Variants in PDE4B observed in about 807,000 individuals in gnomAD.
The protein encoded by PDE4B is phosphodiesterase 4B.
PDE4B carries 20 observed loss-of-function variants against 82.2 expected under a neutral mutation model. The ratio of observed to expected loss-of-function variants is 0.24; its 90% confidence interval spans 0.17 to 0.35. The LOEUF (loss-of-function observed/expected upper bound fraction) is 0.35. Among genes scored for constraint, PDE4B ranks in the 10% least tolerant of loss-of-function variants. The pLI is 1.00. For missense variants in PDE4B, 655 were observed against 907.2 expected, an observed-to-expected ratio of 0.72 and a Z score of 3.57; for synonymous variants, 320 against 318.9, an observed-to-expected ratio of 1.00 and a Z score of -0.04.
At chr1:65,999,662 T>A (rs1475497399) in intron 3 of PDE4B, among the ~76,000 whole-genome samples, 3 of 152,210 alleles carry the variant, frequency 2.0e-5, no homozygotes, top group African/African-American at 7.2e-5. Flanking sequence ...ATTATAGACA[T>A]GCTTATTTGT....
At position 66,074,163 on chromosome 1, in the gene PDE4B, G is replaced by A. The variant is rs150622803; in HGVS notation, c.281+155328G>A. ...TGTGATTGCTCATGGATATGTCCTT[G>A]GAAGAGGGACTGGAAGACCTTTGGT... On this transcript the variant is annotated intron_variant, in intron 3 of 16. Transcript: ENST00000341517. Among the ~76,000 whole-genome samples, 539 of 152,196 alleles carry A rather than the reference G, an allele frequency of 3.5e-3. 5 individuals are homozygous for A. The highest frequency in any genetic ancestry group is 5.2e-3 in the Non-Finnish European group (355 of 67,970).
At chr1:66,102,426 G>A (rs183459534) in intron 3 of PDE4B, among the ~76,000 whole-genome samples, 18 of 152,194 alleles carry the variant, frequency 1.2e-4, no homozygotes. Flanking sequence ...CAGCACATGG[G>A]AAATATTGAA....
chr1:66,102,385 G>A (rs760503725), intron 3 of PDE4B, among the ~76,000 whole-genome samples: 3 of 152,064 alleles, frequency 2.0e-5, no homozygotes, highest in Non-Finnish European at 4.4e-5. Flanking sequence ...CAGACAGACT[G>A]AATTCTGTAA....
intron 2 of PDE4B, among the ~76,000 whole-genome samples, chr1:65,917,904 C>G (rs1266011495): frequency 6.6e-6 from 1 of 152,198 alleles, no homozygotes; most frequent in Non-Finnish European, 1.5e-5. Flanking sequence ...TGGCTCATGC[C>G]TGTAATCCCA....
chr1:65,972,408 C>A (rs1221228121), intron 3 of PDE4B, among the ~76,000 whole-genome samples: 1 of 151,760 alleles, frequency 6.6e-6, no homozygotes, highest in African/African-American at 2.4e-5. Flanking sequence ...CTTGGGAGAT[C>A]CGTGTATCTT....
At chr1:66,209,650 T>G (rs1649865292) in intron 3 of PDE4B, among the ~76,000 whole-genome samples, 1 of 152,222 alleles carries the variant, frequency 6.6e-6, no homozygotes, top group Admixed American at 6.5e-5. Flanking sequence ...TTTCCATCAC[T>G]CAGTAAATTG....
intron 3 of PDE4B, among the ~76,000 whole-genome samples, chr1:65,997,895 T>G (rs1557486211): frequency 6.6e-6 from 1 of 152,132 alleles, no homozygotes; most frequent in Non-Finnish European, 1.5e-5. Flanking sequence ...TAACTACCAC[T>G]AGAGAGTGAG....
At chr1:66,253,087 G>A (rs1302462216) in intron 4 of PDE4B, among the ~76,000 whole-genome samples, 3 of 152,162 alleles carry the variant, frequency 2.0e-5, no homozygotes, top group Non-Finnish European at 4.4e-5. Context: ...ATCAAGAGTT[G>A]TACATATGTA....
chr1:66,164,773 T>C (rs1379363331), intron 3 of PDE4B, among the ~76,000 whole-genome samples: 1 of 106,600 alleles, frequency 9.4e-6, no homozygotes, highest in Admixed American at 9.6e-5. Flanking sequence ...TTTTTTTTTT[T>C]TGAGACAGAG....
chr1:66,344,415 G>T lies in PDE4B; in HGVS notation c.748-11112G>T, dbSNP rs1661237713. Among the ~76,000 whole-genome samples the T allele has an allele frequency of 2.6e-5, 4 of 152,232 alleles. 1 individual carries two copies. In the South Asian group the frequency reaches 8.3e-4, roughly 32 times the overall value. On this transcript the variant is annotated intron_variant, in intron 8 of 16. Coordinates refer to ENST00000341517, the MANE Select transcript of PDE4B (RefSeq NM_002600.4). ...AAAATCAGTATCATTTAATTTCAGAGAATTTGCTTCAACTTACTGGAATTA... is the reference window on the plus strand; with the variant it reads ...AAAATCAGTATCATTTAATTTCAGATAATTTGCTTCAACTTACTGGAATTA...
chr1:66,007,420 G>A (rs1321942863), intron 3 of PDE4B, among the ~76,000 whole-genome samples: 1 of 151,920 alleles, frequency 6.6e-6, no homozygotes, highest in African/African-American at 2.4e-5. Context: ...CTTCAGCCTG[G>A]GTGACAGAAC....
chr1:65,862,873 A>G (rs561372270), intron 1 of PDE4B, among the ~76,000 whole-genome samples: 1 of 152,048 alleles, frequency 6.6e-6, no homozygotes, highest in Non-Finnish European at 1.5e-5. Flanking sequence ...GGTAGTTTGT[A>G]TTTCTGAGGG....
At chr1:66,371,504 G>T (rs1167035247) in intron 16 of PDE4B, among the ~76,000 whole-genome samples, 1 of 152,120 alleles carries the variant, frequency 6.6e-6, no homozygotes, top group African/African-American at 2.4e-5. Context: ...CCATAACAGA[G>T]CCATAAGCCT....
At chr1:66,133,367 A>T (rs143216063) in intron 3 of PDE4B, among the ~76,000 whole-genome samples, 137 of 152,320 alleles carry the variant, frequency 9.0e-4, no homozygotes, top group African/African-American at 3.1e-3. Context: ...TTGCTTATTT[A>T]TGAATCTCAT....
chr1:66,085,292 T>C (rs1229493458), intron 3 of PDE4B, among the ~76,000 whole-genome samples: 1 of 152,146 alleles, frequency 6.6e-6, no homozygotes, highest in African/African-American at 2.4e-5. Context: ...AGGTTTGAGA[T>C]ATAAGTATCT....
At chr1:65,949,664 G>T (rs1409141003) in intron 3 of PDE4B, among the ~76,000 whole-genome samples, 1 of 152,048 alleles carries the variant, frequency 6.6e-6, no homozygotes, top group Non-Finnish European at 1.5e-5. Context: ...AGGTTATGCT[G>T]AGATTTTACT....
intron 3 of PDE4B, chr1:66,152,605 T>A: frequency 6.3e-6 from 1 of 158,820 alleles, no homozygotes; most frequent in Non-Finnish European, 1.3e-5. Flanking sequence ...TGTGTGTGTA[T>A]ACACATATAT....
chr1:65,955,104 A>G (rs907872779), intron 3 of PDE4B, among the ~76,000 whole-genome samples: 9 of 152,138 alleles, frequency 5.9e-5, no homozygotes, highest in African/African-American at 1.9e-4. Flanking sequence ...GTGTTATTAT[A>G]CAAGAATCTT....
intron 3 of PDE4B, among the ~76,000 whole-genome samples, chr1:65,986,768 G>A (rs534283724): frequency 2.8e-4 from 42 of 152,260 alleles, no homozygotes; most frequent in Admixed American, 2.0e-3. Flanking sequence ...TAACAAAGTC[G>A]TTAAGTAATA....
Sources: gnomAD v4.1 joint callset for allele counts (sites outside exome capture counted in the v4.1 genomes callset) on GRCh38, gnomAD v4.1.1 for gene constraint, MANE v1.5 for transcripts, NCBI Gene and HGNC (gene_info 2026-07-23, HGNC 2026-07-21) for gene names.